Variants in DPEP1 observed in about 807,000 individuals in gnomAD.
DPEP1 encodes the protein dipeptidase 1, also known as beta-lactamase.
DPEP1 carries 50 observed loss-of-function variants against 42.3 expected under a neutral mutation model. The observed-to-expected ratio is 1.18, with a 90% CI of 0.94 to 1.50. The LOEUF (loss-of-function observed/expected upper bound fraction) is 1.50, where lower values mean the gene tolerates loss of function less well. Among genes scored for constraint, DPEP1 ranks in the 40% most tolerant of loss-of-function variants. The pLI is 0.00. For missense variants in DPEP1, 663 were observed against 553.0 expected (o/e 1.20, Z -1.99); for synonymous variants, 297 against 234.0 (o/e 1.27, Z -2.46).
intron 1 of DPEP1, among the ~76,000 whole-genome samples, chr16:89,615,598 T>C (rs460105): frequency 0.36 from 54,148 of 152,144 alleles, 11,964 homozygotes; most frequent in Middle Eastern, 0.63. Context: ...TTCCCAGGTC[T>C]TCAGAGCCCA....
At chr16:89,618,061 C>T (rs2059399804) in intron 1 of DPEP1, among the ~76,000 whole-genome samples, 1 of 152,028 alleles carries the variant, frequency 6.6e-6, no homozygotes, top group African/African-American at 2.4e-5. Context: ...AATCATCATT[C>T]TAAGTCAAGA....
Position 89,638,389 on chromosome 16 carries a change from GAC to G in DPEP1, c.*177_*178del, listed in dbSNP as rs145407511. The G allele has an allele frequency of 2.1e-5, 30 of 1,405,420 alleles. No homozygotes were observed. Among genetic ancestry groups the G allele is most frequent in the South Asian group, 5.0e-5 (3 of 59,896 alleles). The allele number at this position is 1,405,420 out of a possible 1,614,324, so 87.1% of individuals were successfully genotyped here. Reference sequence around the variant, plus strand: ...GGCAGGATGCCTGGGGACAGTTCAGGACACACACACAGTAGGCCCGCAATAAA... The same window carrying G: ...GGCAGGATGCCTGGGGACAGTTCAGGACACACACAGTAGGCCCGCAATAAA... On this transcript the variant is annotated 3_prime_UTR_variant, in exon 11 of 11. Transcript: ENST00000690203.
chr16:89,618,930 GCAGC>G (rs2059409908), intron 1 of DPEP1, among the ~76,000 whole-genome samples: 1 of 123,818 alleles, frequency 8.1e-6, no homozygotes, highest in Non-Finnish European at 1.7e-5. Flanking sequence ...CTCCCTCCCT[GCAGC>G]TCCCTGCCCC....
At chr16:89,615,899 C>T (rs2059375752) in intron 1 of DPEP1, among the ~76,000 whole-genome samples, 2 of 152,134 alleles carry the variant, frequency 1.3e-5, no homozygotes, top group South Asian at 4.1e-4. Context: ...AGTGTCCACC[C>T]CTTTCACAGG....
intron 1 of DPEP1, among the ~76,000 whole-genome samples, chr16:89,626,979 G>A (rs534766515): frequency 1.0e-3 from 151 of 151,524 alleles, no homozygotes; most frequent in South Asian, 2.7e-3. Context: ...GTCAGACGTG[G>A]GGCCAGGTAT....
intron 1 of DPEP1, among the ~76,000 whole-genome samples, chr16:89,618,542 T>C (rs571316030): frequency 2.0e-5 from 3 of 152,224 alleles, no homozygotes; most frequent in African/African-American, 7.2e-5. Context: ...ATGCATTTAG[T>C]TTTGAGACAG....
intron 1 of DPEP1, among the ~76,000 whole-genome samples, chr16:89,618,766 C>T (rs1297288877): frequency 6.6e-6 from 1 of 152,040 alleles, no homozygotes; most frequent in Non-Finnish European, 1.5e-5. Context: ...GGCAAAGTTG[C>T]ACAATTCGCA....
chr16:89,622,735 G>A (rs1270014614), intron 1 of DPEP1, among the ~76,000 whole-genome samples: 2 of 150,788 alleles, frequency 1.3e-5, no homozygotes, highest in Non-Finnish European at 2.9e-5. Flanking sequence ...AGTGAGCCGA[G>A]ATCGCGCCAT....
intron 1 of DPEP1, among the ~76,000 whole-genome samples, chr16:89,628,324 C>A (rs1476065515): frequency 6.8e-6 from 1 of 146,700 alleles, no homozygotes. Context: ...ATGGCGCGAT[C>A]ACAGCTCATG....
At chr16:89,635,091 C>G (rs2059654456) in intron 2 of DPEP1, among the ~76,000 whole-genome samples, 1 of 79,748 alleles carries the variant, frequency 1.3e-5, no homozygotes, top group Non-Finnish European at 2.7e-5. Context: ...TCTCCTTTCC[C>G]TTCCTTCTCC....
intron 4 of DPEP1, 64 bp downstream of exon 4, chr16:89,636,460 C>T: frequency 1.9e-6 from 3 of 1,595,514 alleles, no homozygotes; most frequent in Non-Finnish European, 2.6e-6. Context: ...TCCTGAGCAG[C>T]AGGTGCCGGT....
chr16:89,621,222 G>A (rs1338455778), intron 1 of DPEP1, among the ~76,000 whole-genome samples: 3 of 151,896 alleles, frequency 2.0e-5, no homozygotes, highest in Non-Finnish European at 2.9e-5. Flanking sequence ...GCTTCACTGG[G>A]ATTCACTGGG....
chr16:89,614,380 C>G (rs1320161640), intron 1 of DPEP1, among the ~76,000 whole-genome samples: 1 of 152,206 alleles, frequency 6.6e-6, no homozygotes, highest in Admixed American at 6.5e-5. Flanking sequence ...GCCGAGTCCC[C>G]GGACTTACTC....
intron 3 of DPEP1, 58 bp from the exon 4 acceptor site, chr16:89,636,206 G>A: frequency 6.4e-7 from 1 of 1,569,784 alleles, no homozygotes; most frequent in Non-Finnish European, 8.6e-7. Context: ...CCACAGGCAT[G>A]CGGGGGGTGG....
intron 1 of DPEP1, among the ~76,000 whole-genome samples, chr16:89,623,077 A>AC (rs887708660): frequency 6.6e-6 from 1 of 151,794 alleles, no homozygotes; most frequent in Admixed American, 6.6e-5. Context: ...CACCACCCTA[A>AC]CCCCCACACA....
downstream of DPEP1, among the ~76,000 whole-genome samples, chr16:89,640,911 T>C (rs1451120153): frequency 6.6e-6 from 1 of 152,166 alleles, no homozygotes; most frequent in Non-Finnish European, 1.5e-5. Context: ...CTGTTATTTA[T>C]TGGATACGAG....
chr16:89,613,874 G>A (rs1313309898), intron 1 of DPEP1, among the ~76,000 whole-genome samples, 155 bp downstream of exon 1: 2 of 149,550 alleles, frequency 1.3e-5, no homozygotes, highest in African/African-American at 4.9e-5. Context: ...AGGAGGCTGA[G>A]GCCAGGTGTG....
At chr16:89,622,123 C>T (rs2059453404) in intron 1 of DPEP1, among the ~76,000 whole-genome samples, 1 of 152,162 alleles carries the variant, frequency 6.6e-6, no homozygotes, top group Non-Finnish European at 1.5e-5. Context: ...GAGATGGACC[C>T]AGGACTCTCA....
downstream of DPEP1, among the ~76,000 whole-genome samples, chr16:89,640,838 G>A (rs1723951798): frequency 6.6e-6 from 1 of 152,142 alleles, no homozygotes; most frequent in African/African-American, 2.4e-5. Flanking sequence ...AAGACAGCTG[G>A]GCCCAGGGGA....
Sources: allele counts gnomAD v4.1 joint callset (sites outside exome capture counted in the v4.1 genomes callset), GRCh38; gene constraint gnomAD v4.1.1; transcripts MANE v1.5; gene names NCBI Gene and HGNC (gene_info 2026-07-23, HGNC 2026-07-21).